ZCCHC24: variants seen among roughly 807,000 people sequenced by gnomAD.
ZCCHC24 encodes the protein zinc finger CCHC domain-containing protein 24.
ZCCHC24 carries 10 observed loss-of-function variants against 26.2 expected under a neutral mutation model. The ratio of observed to expected loss-of-function variants is 0.38; its 90% CI spans 0.24 to 0.65. ZCCHC24 has a LOEUF of 0.65. Among genes scored for constraint, ZCCHC24 ranks in the 30% least tolerant of loss-of-function variants. The pLI is 0.54. For missense variants in ZCCHC24, 243 were observed against 329.1 expected, an observed-to-expected ratio of 0.74 and a Z score of 2.03; for synonymous variants, 144 against 147.1, an observed-to-expected ratio of 0.98 and a Z score of 0.15.
rs150427150 is a variant in ZCCHC24 at position 79,384,868 on chromosome 10, C to T, written c.*1477G>A. 252 of 152,310 alleles carry T rather than the reference C, an allele frequency of 1.7e-3. No individual in the cohort carries two copies. Among genetic ancestry groups the T allele is most frequent in the Non-Finnish European group, 2.2e-3 (148 of 67,980 alleles). The allele number at this position is 152,310 out of a possible 1,614,324, so 9.4% of individuals were successfully genotyped here. A position where few individuals can be genotyped will look rare whatever the true frequency, so the allele number is the denominator to read the frequency against. On this transcript the variant is annotated 3_prime_UTR_variant, in exon 4 of 4. Transcript: ENST00000372336. ...AATGTAGGGGCAAAATCAAGAGACC[C>T]AGTTCTGACAGCCGGGAGAAAGGAA...
intron 2 of ZCCHC24, among the ~76,000 whole-genome samples, chr10:79,408,571 G>A (rs927240193): frequency 9.9e-5 from 15 of 152,112 alleles, no homozygotes; most frequent in South Asian, 4.1e-4. Context: ...ATGCAACCCC[G>A]GCCCCCATGA....
chr10:79,428,884 T>C (rs775550369), intron 2 of ZCCHC24, among the ~76,000 whole-genome samples: 11 of 151,392 alleles, frequency 7.3e-5, no homozygotes, highest in Non-Finnish European at 5.9e-5. Flanking sequence ...TTAGATAAAA[T>C]GGAAAAATGC....
rs145739202 is a variant in ZCCHC24 at position 79,386,390 on chromosome 10, G to A, written c.681C>T (p.Cys227=). 128 of 1,612,854 alleles carry A rather than the reference G, an allele frequency of 7.9e-5. No individual in the cohort carries two copies. The highest frequency in any genetic ancestry group is 6.4e-4 in the South Asian group (58 of 91,038). The stretch of plus-strand genomic sequence containing the variant: ...AGTAGCCCAGGACCTTGCACTTCTC[G>A]CAGAGGTGCTGCGGGTGCTCCTTGC... ...DQSKEHPQHL[C]EKCKVLGYYC... is the part of the protein sequence containing the mutation. The change falls in exon 4 of 4, where the codon TGC becomes TGT. Residue 227 remains cysteine (C), a synonymous_variant. Coordinates refer to ENST00000372336, the MANE Select transcript of ZCCHC24 (RefSeq NM_153367.4).
At chr10:79,422,492 C>G (rs1856957177) in intron 2 of ZCCHC24, among the ~76,000 whole-genome samples, 1 of 152,196 alleles carries the variant, frequency 6.6e-6, no homozygotes, top group Non-Finnish European at 1.5e-5. Context: ...AGGACTGGGC[C>G]AGCCCCCTCT....
intron 3 of ZCCHC24, among the ~76,000 whole-genome samples, chr10:79,391,968 C>T (rs1856485409): frequency 6.6e-6 from 1 of 151,776 alleles, no homozygotes; most frequent in South Asian, 2.1e-4. Context: ...CTTCAGAAAC[C>T]ACCCATCTCT....
At chr10:79,398,785 G>A (rs1308987560) in intron 2 of ZCCHC24, among the ~76,000 whole-genome samples, 1 of 152,178 alleles carries the variant, frequency 6.6e-6, no homozygotes. Context: ...TTATGCTTAG[G>A]ACTCCACAGC....
chr10:79,407,779 C>G (rs1856739339), intron 2 of ZCCHC24, among the ~76,000 whole-genome samples: 1 of 152,240 alleles, frequency 6.6e-6, no homozygotes, highest in Admixed American at 6.5e-5. Flanking sequence ...CGCAGGGCTC[C>G]TCACCCCAGG....
intron 2 of ZCCHC24, among the ~76,000 whole-genome samples, chr10:79,420,905 C>G: frequency 6.6e-6 from 1 of 152,134 alleles, no homozygotes. Context: ...CACAACATCC[C>G]ATGAAGTAGG....
At chr10:79,416,106 A>G (rs981740238) in intron 2 of ZCCHC24, among the ~76,000 whole-genome samples, 4 of 152,310 alleles carry the variant, frequency 2.6e-5, no homozygotes, top group Middle Eastern at 3.4e-3. Flanking sequence ...AGATGTTCAT[A>G]AATAAAAGTA....
intron 1 of ZCCHC24, among the ~76,000 whole-genome samples, chr10:79,434,398 G>T (rs1489362894): frequency 6.6e-6 from 1 of 152,192 alleles, no homozygotes; most frequent in Non-Finnish European, 1.5e-5. Flanking sequence ...GAAGCAGAGG[G>T]TCCCCCGTCC....
chr10:79,411,529 G>A (rs1856791730), intron 2 of ZCCHC24, among the ~76,000 whole-genome samples: 1 of 152,190 alleles, frequency 6.6e-6, no homozygotes, highest in Non-Finnish European at 1.5e-5. Flanking sequence ...GGGAGAGGAT[G>A]GAACCAGATT....
At chr10:79,415,861 C>T (rs1421689195) in intron 2 of ZCCHC24, among the ~76,000 whole-genome samples, 1 of 152,174 alleles carries the variant, frequency 6.6e-6, no homozygotes, top group South Asian at 2.1e-4. Context: ...GCCAAGAACC[C>T]CTTGTAGGCT....
chr10:79,386,512 AACACAGAGACAGACAGGGAGAGAC>A (rs1589656600), intron 3 of ZCCHC24, 54 bp from the exon 4 acceptor site: 3 of 1,411,080 alleles, frequency 2.1e-6, no homozygotes, highest in Non-Finnish European at 9.7e-7. Flanking sequence ...GAAAGACAGA[AACACAGAGACAGACAGGGAGAGAC>A]ACACAGAGAC....
intron 1 of ZCCHC24, among the ~76,000 whole-genome samples, chr10:79,433,350 G>A (rs1857162687): frequency 6.6e-6 from 1 of 151,868 alleles, no homozygotes; most frequent in African/African-American, 2.4e-5. Flanking sequence ...TCTGTGTGTG[G>A]GGAGCCCTCA....
At position 79,445,347 on chromosome 10, in the gene ZCCHC24, G is replaced by C; in HGVS notation, c.94C>G (p.His32Asp). ...AAGGCATCGAAGGCGCTAGCCTGGT[G>C]CGTGTCCTGCAGCGACAGGTAGACC... ...NWVYLSLQDT[H>D]QASAFDAFRP... The change falls in exon 1 of 4, where the codon CAC becomes GAC. Residue 32 changes from histidine (H) to aspartate (D), a missense_variant. His to Asp is a moderately conservative substitution (Grantham distance 81). Coordinates refer to ENST00000372336, the MANE Select transcript of ZCCHC24 (RefSeq NM_153367.4). The C allele has an allele frequency of 6.5e-7, 1 of 1,536,936 alleles. No homozygotes were observed. Among genetic ancestry groups the C allele is most frequent in the Non-Finnish European group, 8.7e-7 (1 of 1,144,656 alleles).
intron 2 of ZCCHC24, among the ~76,000 whole-genome samples, chr10:79,428,329 C>T (rs1223369949): frequency 1.3e-5 from 2 of 150,190 alleles, no homozygotes; most frequent in African/African-American, 5.0e-5. Context: ...AATTCAGAGA[C>T]AGAAGGTAAA....
intron 2 of ZCCHC24, among the ~76,000 whole-genome samples, chr10:79,400,428 G>A (rs935861794): frequency 1.3e-5 from 2 of 152,224 alleles, no homozygotes; most frequent in African/African-American, 4.8e-5. Flanking sequence ...TTCGGGGTTT[G>A]GGAAAATACT....
rs1856385794 is a variant in ZCCHC24 at position 79,385,958 on chromosome 10, G to C, written c.*387C>G. 2.3e-6 allele frequency: 1 copy of C among 426,872 alleles called. No homozygotes were observed. The highest frequency in any genetic ancestry group is 3.8e-5 in the Admixed American group (1 of 26,320). 26.4% of individuals were successfully genotyped at this position (426,872 alleles called of 1,614,324 possible). A position where few individuals can be genotyped will look rare whatever the true frequency, so the allele number is the denominator to read the frequency against. On this transcript the variant is annotated 3_prime_UTR_variant, in exon 4 of 4. Transcript: ENST00000372336. This position sits in a 1 kb window ranked among gnomAD's most constrained non-coding sequence, Gnocchi z 4.3. ...GCAGGCGGCCTGGCTGGTCTGGGGAGGTTTGGGATTCACAGTCAATTTAGT... is the reference window on the plus strand; with the variant it reads ...GCAGGCGGCCTGGCTGGTCTGGGGACGTTTGGGATTCACAGTCAATTTAGT...
chr10:79,438,349 G>C (rs72820328), intron 1 of ZCCHC24, among the ~76,000 whole-genome samples: 17,407 of 152,166 alleles, frequency 0.11, 1,106 homozygotes, highest in African/African-American at 0.17. Context: ...ATCTGCGGCT[G>C]GTCAAACACA....
Sources: gnomAD v4.1 joint callset for allele counts (sites outside exome capture counted in the v4.1 genomes callset) on GRCh38, gnomAD v4.1.1 for gene constraint, Gnocchi (gnomAD v3.1) non-coding constraint, MANE v1.5 for transcripts, NCBI Gene and HGNC (gene_info 2026-07-23, HGNC 2026-07-21) for gene names.